CXADR: variants seen among roughly 807,000 people sequenced by gnomAD.
The protein encoded by CXADR is CXADR cell adhesion molecule, also known as coxsackievirus and adenovirus receptor.
Under a neutral mutation model 40.3 loss-of-function variants are expected in CXADR, and 20 were observed. The ratio of observed to expected loss-of-function variants is 0.50; its 90% CI spans 0.35 to 0.72. The LOEUF (loss-of-function observed/expected upper bound fraction) is 0.72, where lower values mean the gene tolerates loss of function less well. Ranked by LOEUF, CXADR falls within the 30% of genes least tolerant of loss-of-function variation. CXADR has a pLI of 0.01. For synonymous variants in CXADR, 150 were observed against 161.3 expected, an observed-to-expected ratio of 0.93 and a Z score of 0.53; for missense variants, 332 against 449.1, an observed-to-expected ratio of 0.74 and a Z score of 2.36.
At chr21:17,546,267 G>C (rs907792036) in intron 1 of CXADR, among the ~76,000 whole-genome samples, 1 of 152,194 alleles carries the variant, frequency 6.6e-6, no homozygotes, top group East Asian at 1.9e-4. Context: ...TACCGACAGT[G>C]ACTTAGTTCC....
chr21:17,545,763 AACT>A (rs1440822630), intron 1 of CXADR, among the ~76,000 whole-genome samples: 1 of 144,380 alleles, frequency 6.9e-6, no homozygotes, highest in Non-Finnish European at 1.5e-5. Context: ...AATATGAGTC[AACT>A]ATTTGGTTTT....
At chr21:17,621,728 C>T in the CXADR span, among the ~76,000 whole-genome samples, 1 of 152,270 alleles carries the variant, frequency 6.6e-6, no homozygotes, top group East Asian at 1.9e-4. Flanking sequence ...CATCTCTCAC[C>T]AGATAATAGA....
the CXADR span, among the ~76,000 whole-genome samples, chr21:17,606,605 C>T: frequency 1.3e-5 from 2 of 150,106 alleles, no homozygotes; most frequent in African/African-American, 5.0e-5. Flanking sequence ...TCTAAGCTTA[C>T]AAATTATATA....
chr21:17,594,302 T>C (rs771821699), downstream of CXADR: 6 of 1,612,980 alleles, frequency 3.7e-6, no homozygotes, highest in Admixed American at 3.3e-5. Flanking sequence ...GGGTGCCACA[T>C]TGGAAGAGGT....
At chr21:17,590,760 A>T (rs2061429310) in intron 7 of CXADR, among the ~76,000 whole-genome samples, 2 of 152,168 alleles carry the variant, frequency 1.3e-5, no homozygotes, top group Non-Finnish European at 1.5e-5. Flanking sequence ...AAAAAAAGTT[A>T]AAGACTGTGA....
downstream of CXADR, among the ~76,000 whole-genome samples, chr21:17,572,630 A>C (rs2061287683): frequency 6.6e-6 from 1 of 152,190 alleles, no homozygotes; most frequent in Admixed American, 6.5e-5. Context: ...TCAATAATTA[A>C]CCAACTTAGG....
chr21:17,568,149 G>C lies in CXADR; in HGVS notation c.*2457G>C, dbSNP rs2737871. On this transcript the variant is annotated 3_prime_UTR_variant, in exon 7 of 7. Coordinates refer to ENST00000284878, the MANE Select transcript of CXADR (RefSeq NM_001338.5). ...TCTTTTTTTTTTTTTTTTTTTTTAAGACGGAGTCTCGGTCTGTCACCCAGG... is the reference window on the plus strand; with the variant it reads ...TCTTTTTTTTTTTTTTTTTTTTTAACACGGAGTCTCGGTCTGTCACCCAGG... 1 of 678,676 alleles carries C rather than the reference G, an allele frequency of 1.5e-6. No homozygotes were observed. Among genetic ancestry groups the C allele is most frequent in the Admixed American group, 2.2e-4 (1 of 4,632 alleles). 42.0% of individuals were successfully genotyped at this position (678,676 alleles called of 1,614,324 possible). A position where few individuals can be genotyped will look rare whatever the true frequency, so the allele number is the denominator to read the frequency against.
rs2824384 is a variant in CXADR at position 17,591,857 on chromosome 21, T to A, written c.1018-1295T>A. 6.3e-3 allele frequency among the ~76,000 whole-genome samples: 964 copies of A among 151,854 alleles called. 58 individuals are homozygous for A. In the East Asian group the frequency reaches 0.13, roughly 21 times the overall value. ...AGTCATAATTACTACTAAAAAAGGGTTTGGCAAACTTTTGTACCCCATGCT... is the reference window on the plus strand; with the variant it reads ...AGTCATAATTACTACTAAAAAAGGGATTGGCAAACTTTTGTACCCCATGCT... On this transcript the variant is annotated intron_variant, in intron 7 of 7. Coordinates refer to the CXADR transcript ENST00000400169.
At chr21:17,599,859 T>G in the CXADR span, among the ~76,000 whole-genome samples, 2 of 152,206 alleles carry the variant, frequency 1.3e-5, no homozygotes, top group Non-Finnish European at 2.9e-5. Flanking sequence ...AAAATTGACT[T>G]TAACCCCAAT....
At chr21:17,575,247 C>T (rs549323282) in intron 7 of CXADR, among the ~76,000 whole-genome samples, 6 of 152,084 alleles carry the variant, frequency 3.9e-5, no homozygotes, top group East Asian at 1.9e-4. Flanking sequence ...TGCAGTGGTG[C>T]GATTATAGCT....
chr21:17,596,075 C>T (rs1299636437), downstream of CXADR, among the ~76,000 whole-genome samples: 1 of 152,016 alleles, frequency 6.6e-6, no homozygotes, highest in African/African-American at 2.4e-5. Context: ...ATCTTTTGCT[C>T]CTCCTGCCCT....
chr21:17,523,653 G>A (rs1460764800), intron 1 of CXADR, among the ~76,000 whole-genome samples: 1 of 152,066 alleles, frequency 6.6e-6, no homozygotes, highest in African/African-American at 2.4e-5. Context: ...AGTAGTTGAT[G>A]TGAAGATAAT....
chr21:17,545,072 G>GT (rs869189508), intron 1 of CXADR, among the ~76,000 whole-genome samples: 16,420 of 55,168 alleles, frequency 0.3, 2,841 homozygotes, highest in Non-Finnish European at 0.39. Flanking sequence ...GCTCTAATGT[G>GT]TTTTTTTTTT....
chr21:17,565,578 C>T lies in CXADR; in HGVS notation c.984C>T (p.Arg328=). 2.5e-6 allele frequency: 4 copies of T among 1,613,638 alleles called. No individual in the cohort carries two copies. The highest frequency in any genetic ancestry group is 3.4e-6 in the Non-Finnish European group (4 of 1,179,852). The part of the protein sequence containing the change: ...YNQVPSEDFE[R]TPQSPTLPPA... ...AAGTACCAAGTGAAGACTTTGAACGCACTCCTCAGAGTCCGACTCTCCCAC... is the reference window on the plus strand; with the variant it reads ...AAGTACCAAGTGAAGACTTTGAACGTACTCCTCAGAGTCCGACTCTCCCAC... Residue 328 remains arginine (R), a synonymous_variant, in exon 7 of 7, where the codon CGC becomes CGT. Coordinates refer to ENST00000284878, the MANE Select transcript of CXADR (RefSeq NM_001338.5).
chr21:17,588,791 C>T (rs1329936388), intron 7 of CXADR, among the ~76,000 whole-genome samples: 1 of 152,012 alleles, frequency 6.6e-6, no homozygotes, highest in Non-Finnish European at 1.5e-5. Flanking sequence ...GAAATTTACT[C>T]TTCCATGTAA....
At chr21:17,572,253 CCTAA>C (rs1454565530), downstream of CXADR, among the ~76,000 whole-genome samples, 20 of 55,488 alleles carry the variant, frequency 3.6e-4, no homozygotes, top group Non-Finnish European at 6.0e-4. Flanking sequence ...TGCCTGTAAT[CCTAA>C]CTATCTGGGA....
At chr21:17,621,241 A>G in the CXADR span, among the ~76,000 whole-genome samples, 2 of 152,236 alleles carry the variant, frequency 1.3e-5, no homozygotes, top group African/African-American at 4.8e-5. Context: ...TAGGTTTTAA[A>G]ACATAAATCC....
At chr21:17,585,967 G>A (rs1041736051) in intron 7 of CXADR, among the ~76,000 whole-genome samples, 1 of 152,190 alleles carries the variant, frequency 6.6e-6, no homozygotes, top group Non-Finnish European at 1.5e-5. Context: ...AGGAAAAGAA[G>A]TGATTTAAGC....
chr21:17,621,556 C>A, the CXADR span, among the ~76,000 whole-genome samples: 2 of 152,152 alleles, frequency 1.3e-5, no homozygotes, highest in African/African-American at 4.8e-5. Flanking sequence ...CTGATGCTAT[C>A]AACAGTACCA....
Sources: gnomAD v4.1 joint callset for allele counts (sites outside exome capture counted in the v4.1 genomes callset) on GRCh38, gnomAD v4.1.1 for gene constraint, MANE v1.5 for transcripts, NCBI Gene and HGNC (gene_info 2026-07-23, HGNC 2026-07-21) for gene names.